ASIP: variants seen among roughly 807,000 people sequenced by gnomAD.
ASIP encodes agouti signaling protein, also known as agouti-signaling protein.
In ASIP, 11 loss-of-function variants were observed where a neutral mutation model predicts 10.3. The ratio of observed to expected loss-of-function variants is 1.07; its 90% confidence interval spans 0.68 to 1.78. ASIP has a LOEUF of 1.78. Ranked by LOEUF, ASIP falls within the 40% of genes most tolerant of loss-of-function variation. The pLI, the probability that ASIP is intolerant of heterozygous loss-of-function variation, is 0.00. For missense variants in ASIP, 180 were observed against 169.2 expected (o/e 1.06, Z -0.35); for synonymous variants, 70 against 70.8 (o/e 0.99, Z 0.06).
chr20:34,234,563 G>A (rs1303911956), intron 1 of ASIP, among the ~76,000 whole-genome samples: 1 of 150,792 alleles, frequency 6.6e-6, no homozygotes, highest in African/African-American at 2.4e-5. Context: ...TGTTGCCCAA[G>A]TGTATATGAC....
chr20:34,230,731 C>A (rs1291846595), intron 1 of ASIP, among the ~76,000 whole-genome samples: 1 of 41,144 alleles, frequency 2.4e-5, no homozygotes, highest in Non-Finnish European at 4.1e-5. Flanking sequence ...CTGACCCCCC[C>A]ACCTCCCTCC....
chr20:34,198,316 C>T (rs1003749211), intron 1 of ASIP, among the ~76,000 whole-genome samples: 3 of 152,002 alleles, frequency 2.0e-5, no homozygotes, highest in African/African-American at 7.3e-5. Flanking sequence ...GCTTGAACTC[C>T]TGACCTCAGG....
chr20:34,217,136 C>T (rs2035013937), intron 1 of ASIP, among the ~76,000 whole-genome samples: 1 of 152,002 alleles, frequency 6.6e-6, no homozygotes, highest in Non-Finnish European at 1.5e-5. Context: ...CCTTCATGGT[C>T]CCAGCTGAAA....
chr20:34,201,050 TTCTTTCTTTC>T (rs1480780058), intron 1 of ASIP, among the ~76,000 whole-genome samples: 19 of 103,698 alleles, frequency 1.8e-4, no homozygotes, highest in Non-Finnish European at 3.9e-4. Flanking sequence ...CTTTCTTTCT[TTCTTTCTTTC>T]TTTTTTTTCC....
At chr20:34,205,385 G>A (rs538691315) in intron 1 of ASIP, among the ~76,000 whole-genome samples, 3 of 150,876 alleles carry the variant, frequency 2.0e-5, no homozygotes, top group Admixed American at 2.0e-4. Context: ...TCATAGAGGC[G>A]GCGCATCCGG....
At chr20:34,192,861 A>G (rs1335651405), upstream of ASIP, among the ~76,000 whole-genome samples, 1 of 152,222 alleles carries the variant, frequency 6.6e-6, no homozygotes, top group Non-Finnish European at 1.5e-5. Flanking sequence ...TATAAGGTGC[A>G]TGTGATATTT....
chr20:34,217,853 G>A (rs1262653322), intron 1 of ASIP, among the ~76,000 whole-genome samples: 2 of 152,174 alleles, frequency 1.3e-5, no homozygotes, highest in Non-Finnish European at 2.9e-5. Flanking sequence ...GTGAGCCACC[G>A]CGCCCAGCCC....
chr20:34,200,332 T>C (rs2034884328), intron 1 of ASIP, among the ~76,000 whole-genome samples: 1 of 152,224 alleles, frequency 6.6e-6, no homozygotes, highest in Admixed American at 6.5e-5. Context: ...AATTACTTTA[T>C]TCTGCCGATT....
intron 1 of ASIP, among the ~76,000 whole-genome samples, chr20:34,227,693 G>A (rs190796236): frequency 9.8e-4 from 148 of 151,362 alleles, no homozygotes; most frequent in Non-Finnish European, 1.8e-3. Context: ...TTGTTCTGAT[G>A]TCAGTTCTCC....
intron 1 of ASIP, among the ~76,000 whole-genome samples, chr20:34,203,946 G>A (rs1029240497): frequency 1.3e-5 from 2 of 151,960 alleles, no homozygotes; most frequent in African/African-American, 4.8e-5. Flanking sequence ...GGCTGGTCTC[G>A]AACTCCTGAC....
chr20:34,202,079 T>TAAAAAAAAAAAA (rs200525186), intron 1 of ASIP, among the ~76,000 whole-genome samples: 1 of 139,508 alleles, frequency 7.2e-6, no homozygotes, highest in Non-Finnish European at 1.6e-5. Context: ...GATAAAATTG[T>TAAAAAAAAAAAA]AAAAAAAAAA....
In ASIP at chr20:34,269,190, G is replaced by T. The variant is rs1471798272; in HGVS notation, c.*23G>T. 1 of 1,478,734 alleles carries T rather than the reference G, an allele frequency of 6.8e-7. No individual in the cohort carries two copies. 91.6% of individuals were successfully genotyped at this position (1,478,734 alleles called of 1,614,324 possible). ...TGAGCGCCCCCACTCCCGGCCGCGA[G>T]CAGGCAGGGCTTCGGGGACGCGGGG... On this transcript the variant is annotated 3_prime_UTR_variant, in exon 4 of 4. Coordinates refer to ENST00000374954, the MANE Select transcript of ASIP (RefSeq NM_001672.3).
At chr20:34,222,719 G>A (rs547539478) in intron 1 of ASIP, among the ~76,000 whole-genome samples, 12 of 151,982 alleles carry the variant, frequency 7.9e-5, no homozygotes, top group Admixed American at 3.3e-4. Flanking sequence ...CTGCCATCTC[G>A]GCTCACTGCA....
At chr20:34,266,358 TATAAA>T (rs1235149454) in intron 3 of ASIP, among the ~76,000 whole-genome samples, 2 of 132,914 alleles carry the variant, frequency 1.5e-5, no homozygotes, top group East Asian at 2.3e-4. Context: ...TCAAAAATAA[TATAAA>T]ATAAAACAAA....
intron 2 of ASIP, among the ~76,000 whole-genome samples, chr20:34,261,745 T>C (rs1485046980): frequency 1.3e-5 from 2 of 152,080 alleles, no homozygotes; most frequent in Non-Finnish European, 2.9e-5. Context: ...GACGCTGCAG[T>C]GAGCTATGAT....
intron 1 of ASIP, among the ~76,000 whole-genome samples, chr20:34,221,098 G>C (rs1001708547): frequency 3.3e-5 from 5 of 151,926 alleles, no homozygotes; most frequent in Non-Finnish European, 5.9e-5. Flanking sequence ...AAATGGCAGG[G>C]CCAGGCGCGA....
At chr20:34,198,274 G>C (rs1314569987) in intron 1 of ASIP, among the ~76,000 whole-genome samples, 1 of 151,868 alleles carries the variant, frequency 6.6e-6, no homozygotes, top group East Asian at 1.9e-4. Context: ...ATTTTTAGTA[G>C]AGACGGGGTT....
intron 1 of ASIP, among the ~76,000 whole-genome samples, chr20:34,253,849 G>A (rs755354686): frequency 2.6e-5 from 4 of 152,150 alleles, no homozygotes; most frequent in Non-Finnish European, 5.9e-5. Flanking sequence ...GATCTGACTC[G>A]TGTGTCTGGA....
chr20:34,188,492 A>T, the ASIP span, among the ~76,000 whole-genome samples: 1 of 152,228 alleles, frequency 6.6e-6, no homozygotes, highest in Non-Finnish European at 1.5e-5. Flanking sequence ...TGTCATTAAC[A>T]TATTCCAAAA....
Sources: gnomAD v4.1 joint callset for allele counts (sites outside exome capture counted in the v4.1 genomes callset) on GRCh38, gnomAD v4.1.1 for gene constraint, MANE v1.5 for transcripts, NCBI Gene and HGNC (gene_info 2026-07-23, HGNC 2026-07-21) for gene names.